Variants in CLIP1 observed in about 807,000 individuals in gnomAD.
CLIP1 encodes the protein CAP-Gly domain-containing linker protein 1.
Under a neutral mutation model 161.6 loss-of-function variants are expected in CLIP1, and 66 were observed. The ratio of observed to expected loss-of-function variants is 0.41; its 90% CI spans 0.33 to 0.50. The LOEUF (loss-of-function observed/expected upper bound fraction) is 0.50, where lower values mean the gene tolerates loss of function less well. Among genes scored for constraint, CLIP1 ranks in the 20% least tolerant of loss-of-function variants. The pLI is 0.27. For missense variants in CLIP1, 1,376 were observed against 1,702.0 expected (o/e 0.81, Z 3.37); for synonymous variants, 598 against 626.2 (o/e 0.96, Z 0.67).
At chr12:122,393,777 TG>T (rs773140773) in intron 1 of CLIP1, among the ~76,000 whole-genome samples, 13 of 151,586 alleles carry the variant, frequency 8.6e-5, no homozygotes, top group Non-Finnish European at 1.9e-4. Flanking sequence ...CCGGGTGTGG[TG>T]GTGCGCACCA....
At chr12:122,335,127 T>C (rs1401597226) in intron 12 of CLIP1, among the ~76,000 whole-genome samples, 1 of 152,226 alleles carries the variant, frequency 6.6e-6, no homozygotes, top group Non-Finnish European at 1.5e-5. Context: ...ATCTAATATC[T>C]TGAATCTAGG....
intron 9 of CLIP1, among the ~76,000 whole-genome samples, chr12:122,347,954 G>A (rs967692734): frequency 3.3e-5 from 5 of 152,082 alleles, no homozygotes; most frequent in African/African-American, 1.2e-4. Context: ...ATATGGCAAA[G>A]GTATTATAAA....
At chr12:122,357,869 C>G (rs989762228) in intron 5 of CLIP1, among the ~76,000 whole-genome samples, 15 of 151,710 alleles carry the variant, frequency 9.9e-5, no homozygotes, top group African/African-American at 3.6e-4. Context: ...TGAGGGGCGC[C>G]TCTGCTCGGC....
chr12:122,399,967 GTTCTCATATCATA>G (rs1482031693), intron 1 of CLIP1: 1 of 152,186 alleles, frequency 6.6e-6, no homozygotes, highest in Non-Finnish European at 1.5e-5. Context: ...CAAAGGCTAT[GTTCTCATATCATA>G]TTCCTGGGTT....
At chr12:122,303,046 T>A (rs1421402730) in intron 20 of CLIP1, among the ~76,000 whole-genome samples, 1 of 152,218 alleles carries the variant, frequency 6.6e-6, no homozygotes, top group Non-Finnish European at 1.5e-5. Flanking sequence ...CTTTATATTT[T>A]AAGAAATGCT....
chr12:122,300,681 C>T (rs1263916389), intron 20 of CLIP1, among the ~76,000 whole-genome samples: 1 of 152,198 alleles, frequency 6.6e-6, no homozygotes, highest in African/African-American at 2.4e-5. Context: ...TTTCCTGCCT[C>T]AGCCTCCTGA....
chr12:122,297,988 C>A (rs1013714884), intron 20 of CLIP1, among the ~76,000 whole-genome samples: 6 of 152,192 alleles, frequency 3.9e-5, no homozygotes, highest in African/African-American at 1.4e-4. Flanking sequence ...CCATCTCCGT[C>A]CAGTTTGGGA....
At chr12:122,372,964 T>TAAGAG (rs1954528795) in intron 3 of CLIP1, among the ~76,000 whole-genome samples, 1 of 152,088 alleles carries the variant, frequency 6.6e-6, no homozygotes, top group African/African-American at 2.4e-5. Context: ...AAGTCACCGA[T>TAAGAG]AAGAGGATTG....
At chr12:122,350,929 T>C (rs1025246098) in intron 9 of CLIP1, 182 bp downstream of exon 9, 14 of 449,016 alleles carry the variant, frequency 3.1e-5, no homozygotes, top group Non-Finnish European at 5.1e-5. Flanking sequence ...GCTTAGTCAT[T>C]ACATACAATT....
chr12:122,360,895 G>T, intron 5 of CLIP1, 64 bp downstream of exon 5: 1 of 1,324,318 alleles, frequency 7.6e-7, no homozygotes, highest in East Asian at 2.5e-5. Flanking sequence ...CAAAGCAGGG[G>T]CACTGACCAC....
At chr12:122,400,445 C>T (rs937347126) in intron 1 of CLIP1, 51 of 152,308 alleles carry the variant, frequency 3.3e-4, no homozygotes, top group African/African-American at 1.1e-3. Flanking sequence ...TTCCCACGTA[C>T]TGGCTGTTTC....
chr12:122,402,945 C>T (rs1042395211), intron 1 of CLIP1, among the ~76,000 whole-genome samples: 36 of 152,188 alleles, frequency 2.4e-4, no homozygotes, highest in Non-Finnish European at 4.6e-4. Context: ...GGACTCACCA[C>T]ATTTCACGTG....
chr12:122,404,699 C>T (rs1956260891), intron 1 of CLIP1, among the ~76,000 whole-genome samples: 1 of 149,274 alleles, frequency 6.7e-6, no homozygotes, highest in Admixed American at 6.7e-5. Context: ...CCATCAAGAC[C>T]ATCCTGGCTA....
chr12:122,282,036 TCA>T lies in CLIP1; in HGVS notation c.3648-2893_3648-2892del, dbSNP rs141773603. 4.2e-3 allele frequency among the ~76,000 whole-genome samples: 635 copies of T among 151,910 alleles called. 1 individual carries two copies. Among genetic ancestry groups the T allele is most frequent in the African/African-American group, 0.014 (600 of 41,434 alleles). On this transcript the variant is annotated intron_variant, in intron 21 of 25. Coordinates refer to ENST00000620786, the MANE Select transcript of CLIP1 (RefSeq NM_001247997.2). ...GCCACCAAACAAACTCTGCTCATCATCACACACACACACAACCTCTCAGCCTG... is the reference window on the plus strand; with the variant it reads ...GCCACCAAACAAACTCTGCTCATCATCACACACACACAACCTCTCAGCCTG...
chr12:122,395,779 A>G (rs1233720073), intron 1 of CLIP1: 2 of 152,208 alleles, frequency 1.3e-5, no homozygotes, highest in African/African-American at 2.4e-5. Context: ...GGTTCCAAAC[A>G]CTTTTTCTTA....
At position 122,330,184 on chromosome 12, in the gene CLIP1, G is replaced by T. The variant is rs534940499; in HGVS notation, c.2868-1758C>A. ...AAAACAGACTATTAGATGAATCACAGATGCAAGAGGGAAACTTGGGGGGCA... is the reference window on the plus strand; with the variant it reads ...AAAACAGACTATTAGATGAATCACATATGCAAGAGGGAAACTTGGGGGGCA... On this transcript the variant is annotated intron_variant, in intron 15 of 25. Coordinates refer to ENST00000620786, the MANE Select transcript of CLIP1 (RefSeq NM_001247997.2). 2.3e-4 allele frequency among the ~76,000 whole-genome samples: 35 copies of T among 152,144 alleles called. No individual in the cohort carries two copies. In the South Asian group the frequency reaches 7.3e-3, roughly 32 times the overall value.
rs540223522 is a variant in CLIP1, at chr12:122,371,776, G to A, written c.657+5613C>T. Among the ~76,000 whole-genome samples, 190 of 152,246 alleles carry A rather than the reference G, an allele frequency of 1.2e-3. 1 individual carries two copies. Among genetic ancestry groups the A allele is most frequent in the African/African-American group, 4.5e-3 (185 of 41,536 alleles). ...TTCCAAGCCTCAAAAGGAAAACTGG[G>A]GAACCCTCTCAAAACTGAAAGCAAG... On this transcript the variant is annotated intron_variant, in intron 3 of 25. Transcript: ENST00000620786.
Position 122,340,932 on chromosome 12 carries a change from C to G in CLIP1, c.2272G>C (p.Val758Leu). 1 of 1,614,140 alleles carries G rather than the reference C, an allele frequency of 6.2e-7. No homozygotes were observed. Among genetic ancestry groups the G allele is most frequent in the Non-Finnish European group, 8.5e-7 (1 of 1,180,036 alleles). ...AGCTGTGATGTAAAATTATCAATAA[C>G]CTTGGTTTGTTCATTGCATTTGGCT... ...LQAKCNEQTK[V>L]IDNFTSQLKA... Residue 758 changes from valine (V) to leucine (L), a missense_variant, in exon 11 of 26, where the codon GTT becomes CTT. Coordinates refer to ENST00000620786, the MANE Select transcript of CLIP1 (RefSeq NM_001247997.2).
intron 1 of CLIP1, among the ~76,000 whole-genome samples, chr12:122,419,236 G>A (rs1372810208): frequency 1.3e-5 from 2 of 151,882 alleles, no homozygotes; most frequent in African/African-American, 2.4e-5. Flanking sequence ...CCAGGCATGT[G>A]ACAGATTCCT....
Sources: gnomAD v4.1 joint callset for allele counts (sites outside exome capture counted in the v4.1 genomes callset) on GRCh38, gnomAD v4.1.1 for gene constraint, MANE v1.5 for transcripts, NCBI Gene and HGNC (gene_info 2026-07-23, HGNC 2026-07-21) for gene names.